SPMIP2: variants seen among roughly 807,000 people sequenced by gnomAD.
SPMIP2 encodes protein SPMIP2.
the SPMIP2 span, among the ~76,000 whole-genome samples, chr4:158,952,088 G>C: frequency 6.6e-6 from 1 of 152,072 alleles, no homozygotes; most frequent in Non-Finnish European, 1.5e-5. Flanking sequence ...TTTGTATTTA[G>C]GTATTTCATG....
At chr4:158,967,683 A>G in the SPMIP2 span, among the ~76,000 whole-genome samples, 12 of 152,230 alleles carry the variant, frequency 7.9e-5, no homozygotes, top group Non-Finnish European at 1.5e-4. Context: ...TGATTGCTCT[A>G]GATGAACCCC....
the SPMIP2 span, among the ~76,000 whole-genome samples, chr4:158,970,546 G>C: frequency 2.6e-4 from 2 of 7,562 alleles, no homozygotes; most frequent in Admixed American, 2.3e-3. Context: ...TCTCAAAAAA[G>C]AAAAACAAAA....
At chr4:158,943,810 A>G in the SPMIP2 span, among the ~76,000 whole-genome samples, 6 of 151,248 alleles carry the variant, frequency 4.0e-5, no homozygotes, top group African/African-American at 1.2e-4. Flanking sequence ...ATCCTAAAAA[A>G]ATCCTACACT....
the SPMIP2 span, among the ~76,000 whole-genome samples, chr4:158,990,257 G>A: frequency 4.6e-5 from 7 of 152,204 alleles, no homozygotes; most frequent in Non-Finnish European, 1.0e-4. Flanking sequence ...GTAGAAATAG[G>A]AATGCTTTTA....
At chr4:158,915,721 C>T in the SPMIP2 span, among the ~76,000 whole-genome samples, 1 of 152,198 alleles carries the variant, frequency 6.6e-6, no homozygotes, top group Admixed American at 6.5e-5. Flanking sequence ...ATGGCCTATC[C>T]ATTTTGAGGT....
At chr4:158,951,774 G>A in the SPMIP2 span, among the ~76,000 whole-genome samples, 1 of 152,210 alleles carries the variant, frequency 6.6e-6, no homozygotes, top group Admixed American at 6.5e-5. Flanking sequence ...TCCTATTGCT[G>A]TGAAATGCTT....
chr4:159,060,566 G>T, the SPMIP2 span, among the ~76,000 whole-genome samples: 1 of 152,170 alleles, frequency 6.6e-6, no homozygotes, highest in Admixed American at 6.5e-5. Flanking sequence ...GATGGTGTAC[G>T]CCAGGAAGAT....
At chr4:158,911,632 T>C in the SPMIP2 span, among the ~76,000 whole-genome samples, 2 of 152,194 alleles carry the variant, frequency 1.3e-5, no homozygotes, top group South Asian at 2.1e-4. Flanking sequence ...ACCTTGCTAC[T>C]CAAGGTCCTC....
chr4:159,014,382 G>A, the SPMIP2 span, among the ~76,000 whole-genome samples: 8 of 152,192 alleles, frequency 5.3e-5, no homozygotes, highest in Non-Finnish European at 8.8e-5. Flanking sequence ...GAACCCAGGA[G>A]GCAGAGGTTG....
the SPMIP2 span, among the ~76,000 whole-genome samples, chr4:159,037,450 T>G: frequency 6.6e-6 from 1 of 152,082 alleles, no homozygotes; most frequent in Admixed American, 6.6e-5. Flanking sequence ...CTTCCTTTTT[T>G]TTTTTTTCTT....
At chr4:158,983,938 G>C in the SPMIP2 span, among the ~76,000 whole-genome samples, 1 of 119,828 alleles carries the variant, frequency 8.3e-6, no homozygotes, top group Non-Finnish European at 1.7e-5. Context: ...CAAAATAAAA[G>C]GATGGAGGAA....
the SPMIP2 span, among the ~76,000 whole-genome samples, chr4:159,013,866 G>T: frequency 1.3e-5 from 1 of 77,158 alleles, no homozygotes; most frequent in Non-Finnish European, 2.8e-5. Flanking sequence ...GACAAATACT[G>T]CATGATTTCA....
At chr4:158,966,551 A>G in the SPMIP2 span, among the ~76,000 whole-genome samples, 16 of 152,226 alleles carry the variant, frequency 1.1e-4, no homozygotes, top group African/African-American at 3.6e-4. Context: ...AAGTTATAGC[A>G]TCTCTTCTTA....
the SPMIP2 span, among the ~76,000 whole-genome samples, chr4:159,005,112 T>C: frequency 4.1e-5 from 6 of 145,034 alleles, no homozygotes; most frequent in Admixed American, 1.4e-4. Context: ...AAGCCTGTAA[T>C]CCCAGCTGCT....
the SPMIP2 span, among the ~76,000 whole-genome samples, chr4:158,942,217 T>C: frequency 6.6e-6 from 1 of 152,232 alleles, no homozygotes; most frequent in Non-Finnish European, 1.5e-5. Flanking sequence ...AGGTAATTCA[T>C]CTGAATGTGT....
At chr4:159,007,415 G>T in the SPMIP2 span, 2 of 668,144 alleles carry the variant, frequency 3.0e-6, no homozygotes, top group South Asian at 1.4e-5. Flanking sequence ...GAATGAGAAG[G>T]TCCTGTTCCT....
chr4:158,937,680 A>G, the SPMIP2 span: 3 of 154,166 alleles, frequency 1.9e-5, no homozygotes, highest in Admixed American at 6.5e-5. Flanking sequence ...GGCAGAGTTT[A>G]CTGAGCACAC....
At chr4:158,910,284 T>A in the SPMIP2 span, among the ~76,000 whole-genome samples, 1 of 152,044 alleles carries the variant, frequency 6.6e-6, no homozygotes, top group Admixed American at 6.5e-5. Context: ...TTTTTTCCTT[T>A]TTTTTTGAGA....
the SPMIP2 span, chr4:158,960,186 A>C: frequency 1.4e-6 from 1 of 699,496 alleles, no homozygotes; most frequent in Non-Finnish European, 2.4e-6. Flanking sequence ...TGAAATAAAA[A>C]GAAAGTGTTA....
Sources: allele counts gnomAD v4.1 joint callset (sites outside exome capture counted in the v4.1 genomes callset), GRCh38; gene constraint gnomAD v4.1.1; transcripts MANE v1.5; gene names NCBI Gene and HGNC (gene_info 2026-07-23, HGNC 2026-07-21).